The following LRRTM3 variants were observed in gnomAD, a reference collection of about 807,000 sequenced individuals.
LRRTM3 encodes the protein leucine-rich repeat transmembrane neuronal protein 3.
LRRTM3 carries 24 observed loss-of-function variants against 44.7 expected under a neutral mutation model. The observed-to-expected ratio is 0.54, with a 90% confidence interval of 0.39 to 0.76. The LOEUF (loss-of-function observed/expected upper bound fraction) is 0.76, where lower values mean the gene tolerates loss of function less well. LRRTM3 is among the 30% of genes least tolerant of loss of function. LRRTM3 has a pLI of 0.00. For missense variants in LRRTM3, 587 were observed against 702.2 expected, an observed-to-expected ratio of 0.84 and a Z score of 1.85; for synonymous variants, 277 against 278.7, an observed-to-expected ratio of 0.99 and a Z score of 0.06.
intron 2 of LRRTM3, among the ~76,000 whole-genome samples, chr10:67,094,367 A>C (rs567998970): frequency 6.6e-6 from 1 of 152,014 alleles, no homozygotes; most frequent in African/African-American, 2.4e-5. Flanking sequence ...TAGGTCTTTT[A>C]AATTGAAGTA....
At chr10:66,952,747 G>A (rs1425344504) in intron 2 of LRRTM3, among the ~76,000 whole-genome samples, 1 of 151,882 alleles carries the variant, frequency 6.6e-6, no homozygotes, top group South Asian at 2.1e-4. Context: ...TACAGCCAGG[G>A]ACTCTTCTGC....
intron 2 of LRRTM3, among the ~76,000 whole-genome samples, chr10:66,948,861 T>C (rs1369365633): frequency 1.3e-5 from 2 of 152,234 alleles, no homozygotes; most frequent in Admixed American, 6.5e-5. Flanking sequence ...CAGTGAAATG[T>C]TCTTTTCAGT....
rs768209913 is a variant in LRRTM3, at chr10:66,927,927, A to G, written c.1011A>G (p.Thr337=). Residue 337 remains threonine (T), a synonymous_variant, in exon 2 of 3, where the codon ACA becomes ACG. Transcript: ENST00000361320. The surrounding 1 kb of genome is among the most constrained non-coding windows in gnomAD (Gnocchi z 4.7). ...LKSFKGLREN[T]IICASPKELQ... ...GTTTTAAAGGTCTAAGGGAGAATACAATTATCTGTGCCAGTCCCAAAGAGC... is the reference window on the plus strand; with the variant it reads ...GTTTTAAAGGTCTAAGGGAGAATACGATTATCTGTGCCAGTCCCAAAGAGC... The G allele has an allele frequency of 1.2e-6, 2 of 1,614,252 alleles. No individual in the cohort carries two copies. Among genetic ancestry groups the G allele is most frequent in the Non-Finnish European group, 1.7e-6 (2 of 1,180,052 alleles).
At chr10:67,009,364 T>C (rs1248545003) in intron 2 of LRRTM3, among the ~76,000 whole-genome samples, 1 of 152,160 alleles carries the variant, frequency 6.6e-6, no homozygotes. Context: ...CTAACTTGGT[T>C]TTCAGTCACA....
At chr10:67,024,255 G>C (rs1853209531) in intron 2 of LRRTM3, among the ~76,000 whole-genome samples, 1 of 152,162 alleles carries the variant, frequency 6.6e-6, no homozygotes, top group African/African-American at 2.4e-5. Context: ...CTCTCTAGCT[G>C]CTTCAGTCAT....
intron 2 of LRRTM3, among the ~76,000 whole-genome samples, chr10:66,936,999 G>A (rs1466656624): frequency 6.6e-6 from 1 of 152,162 alleles, no homozygotes. Context: ...AGATTCCTCA[G>A]TATTTTTCTC....
chr10:67,089,764 C>A (rs1318814811), intron 2 of LRRTM3, among the ~76,000 whole-genome samples: 1 of 146,002 alleles, frequency 6.8e-6, no homozygotes, highest in African/African-American at 2.5e-5. Flanking sequence ...GACAGAAACA[C>A]ATATACTGTA....
chr10:67,044,805 G>C (rs1287102788), intron 2 of LRRTM3, among the ~76,000 whole-genome samples: 1 of 152,126 alleles, frequency 6.6e-6, no homozygotes, highest in African/African-American at 2.4e-5. Context: ...ATGGTCTTTG[G>C]AGCCAAGAAA....
intron 2 of LRRTM3, among the ~76,000 whole-genome samples, chr10:67,013,276 C>G (rs1003733929): frequency 1.9e-4 from 29 of 151,562 alleles, no homozygotes; most frequent in African/African-American, 6.8e-4. Flanking sequence ...AAATTCTCTA[C>G]CATTCAAAAT....
intron 2 of LRRTM3, among the ~76,000 whole-genome samples, chr10:66,994,074 C>T (rs1851193058): frequency 6.6e-6 from 1 of 152,114 alleles, no homozygotes; most frequent in Non-Finnish European, 1.5e-5. Context: ...CATGCCAGGT[C>T]AAACTATCTT....
intron 2 of LRRTM3, among the ~76,000 whole-genome samples, chr10:67,082,219 C>T (rs986737773): frequency 6.6e-6 from 1 of 152,064 alleles, no homozygotes; most frequent in Non-Finnish European, 1.5e-5. Flanking sequence ...TTCATTTCCC[C>T]TGTTACATTT....
At chr10:67,070,247 T>C (rs74141788) in intron 2 of LRRTM3, among the ~76,000 whole-genome samples, 1,696 of 152,266 alleles carry the variant, frequency 0.011, 38 homozygotes, top group African/African-American at 0.039. Context: ...TATTGGATTG[T>C]CTTTTGTCTT....
At chr10:66,988,869 TAC>T (rs780064158) in intron 2 of LRRTM3, among the ~76,000 whole-genome samples, 2 of 151,862 alleles carry the variant, frequency 1.3e-5, no homozygotes, top group African/African-American at 4.8e-5. Flanking sequence ...CTCTCCACCC[TAC>T]ACACACACAC....
In LRRTM3 at chr10:66,926,245, G is replaced by T. The variant is rs369616603; in HGVS notation, c.-339G>T. ...AATACATCATGTTTTTCGATAAGAA[G>T]AAATTGTAGGATCCAGTTTTTTTTT... On this transcript the variant is annotated 5_prime_UTR_variant, in exon 1 of 3. Coordinates refer to ENST00000361320, the MANE Select transcript of LRRTM3 (RefSeq NM_178011.5). The T allele has an allele frequency of 4.2e-6, 2 of 477,334 alleles. No homozygotes were observed. Among genetic ancestry groups the T allele is most frequent in the East Asian group, 4.5e-5 (1 of 22,332 alleles). The allele number at this position is 477,334 out of a possible 1,614,324, so 29.6% of individuals were successfully genotyped here. A position where few individuals can be genotyped will look rare whatever the true frequency, so the allele number is the denominator to read the frequency against.
chr10:67,040,210 G>T (rs1043217533), intron 2 of LRRTM3, among the ~76,000 whole-genome samples: 5 of 152,120 alleles, frequency 3.3e-5, no homozygotes, highest in Admixed American at 6.6e-5. Flanking sequence ...GAAGACACAG[G>T]TGTTCTCTGT....
chr10:66,937,125 T>G (rs1847752059), intron 2 of LRRTM3, among the ~76,000 whole-genome samples: 1 of 152,080 alleles, frequency 6.6e-6, no homozygotes, highest in African/African-American at 2.4e-5. Flanking sequence ...TACAAAGTCT[T>G]TCTCCTTAAA....
chr10:67,094,844 T>C (rs1857874677), intron 2 of LRRTM3, among the ~76,000 whole-genome samples: 1 of 151,722 alleles, frequency 6.6e-6, no homozygotes, highest in Non-Finnish European at 1.5e-5. Context: ...TGCATACATA[T>C]ACCATATCAT....
At chr10:67,057,943 A>G (rs1360828242) in intron 2 of LRRTM3, among the ~76,000 whole-genome samples, 1 of 152,196 alleles carries the variant, frequency 6.6e-6, no homozygotes, top group Non-Finnish European at 1.5e-5. Context: ...ATCACTTTGC[A>G]GAAGTGATTT....
intron 2 of LRRTM3, among the ~76,000 whole-genome samples, chr10:67,082,362 T>C (rs1336818819): frequency 2.6e-5 from 4 of 152,176 alleles, no homozygotes; most frequent in African/African-American, 9.7e-5. Flanking sequence ...ATGGCACAAA[T>C]TGCGATTTCG....
Sources: gnomAD v4.1 joint callset for allele counts (sites outside exome capture counted in the v4.1 genomes callset) on GRCh38, gnomAD v4.1.1 for gene constraint, Gnocchi (gnomAD v3.1) non-coding constraint, MANE v1.5 for transcripts, NCBI Gene and HGNC (gene_info 2026-07-23, HGNC 2026-07-21) for gene names.